The following SMIM36 variants were observed in gnomAD, a reference collection of about 807,000 sequenced individuals.
SMIM36 encodes the protein small integral membrane protein 36.
At chr17:55,491,818 C>T (rs898635475) in intron 1 of SMIM36, among the ~76,000 whole-genome samples, 3 of 152,124 alleles carry the variant, frequency 2.0e-5, no homozygotes, top group Non-Finnish European at 4.4e-5. Context: ...ATGTTGGAGC[C>T]ACTGCATCTG....
chr17:55,465,684 G>T (rs1377961405), intron 4 of SMIM36, among the ~76,000 whole-genome samples: 1 of 152,078 alleles, frequency 6.6e-6, no homozygotes, highest in Non-Finnish European at 1.5e-5. Flanking sequence ...GTGATTTCCA[G>T]ACCACAGTGA....
chr17:55,492,138 A>G (rs1203900900), intron 1 of SMIM36, among the ~76,000 whole-genome samples: 2 of 150,166 alleles, frequency 1.3e-5, no homozygotes, highest in African/African-American at 2.5e-5. Flanking sequence ...CAGCCTGGGC[A>G]ACAGAGTGAG....
intron 1 of SMIM36, among the ~76,000 whole-genome samples, chr17:55,505,665 C>G (rs1910068729): frequency 1.4e-5 from 1 of 71,128 alleles, no homozygotes; most frequent in Non-Finnish European, 2.2e-5. Context: ...AAAACTGGCA[C>G]AAGACAGGGA....
At chr17:55,501,198 T>C (rs1189449426) in intron 1 of SMIM36, among the ~76,000 whole-genome samples, 1 of 72,716 alleles carries the variant, frequency 1.4e-5, no homozygotes, top group Non-Finnish European at 2.6e-5. Flanking sequence ...ATATATCTTA[T>C]ATATTATAAT....
chr17:55,489,784 T>A (rs910737359), intron 1 of SMIM36, among the ~76,000 whole-genome samples: 2 of 152,236 alleles, frequency 1.3e-5, no homozygotes, highest in Non-Finnish European at 2.9e-5. Flanking sequence ...CATAATCCTA[T>A]GGCTCTTATC....
intron 3 of SMIM36, among the ~76,000 whole-genome samples, chr17:55,471,704 C>A (rs1237564637): frequency 1.3e-5 from 2 of 152,214 alleles, no homozygotes; most frequent in African/African-American, 4.8e-5. Context: ...AGTTCCTACA[C>A]TAGGACTCCT....
At chr17:55,501,483 A>G (rs1909977526) in intron 1 of SMIM36, among the ~76,000 whole-genome samples, 1 of 97,924 alleles carries the variant, frequency 1.0e-5, no homozygotes, top group South Asian at 2.7e-4. Context: ...TATAATTATT[A>G]TATATAATAT....
chr17:55,468,841 C>T (rs753782997), intron 3 of SMIM36, among the ~76,000 whole-genome samples: 1 of 152,096 alleles, frequency 6.6e-6, no homozygotes, highest in East Asian at 1.9e-4. Flanking sequence ...TCTGTAATAC[C>T]GCTTGGCCCC....
At chr17:55,532,116 C>T in the SMIM36 span, among the ~76,000 whole-genome samples, 118 of 152,320 alleles carry the variant, frequency 7.7e-4, 1 homozygote, top group Admixed American at 7.6e-3. Context: ...CTAAATATTG[C>T]TCCTCATTTC....
At chr17:55,457,843 T>A (rs1205364562) in intron 4 of SMIM36, among the ~76,000 whole-genome samples, 1 of 152,064 alleles carries the variant, frequency 6.6e-6, no homozygotes, top group Non-Finnish European at 1.5e-5. Context: ...ATTAAAAAAA[T>A]AAAAAAATGT....
At chr17:55,521,532 T>A in the SMIM36 span, among the ~76,000 whole-genome samples, 1 of 152,238 alleles carries the variant, frequency 6.6e-6, no homozygotes, top group African/African-American at 2.4e-5. Context: ...TTTTATAACC[T>A]GTGATTAGGG....
intron 3 of SMIM36, among the ~76,000 whole-genome samples, chr17:55,472,427 G>T (rs1039442575): frequency 1.2e-4 from 19 of 152,198 alleles, no homozygotes; most frequent in Admixed American, 9.8e-4. Context: ...GCTGCCATCT[G>T]GGCTGAAAGA....
chr17:55,465,130 C>T (rs113287117), intron 4 of SMIM36, among the ~76,000 whole-genome samples: 27 of 152,340 alleles, frequency 1.8e-4, no homozygotes, highest in African/African-American at 5.3e-4. Context: ...CATAAACAAT[C>T]TGCTCCATTC....
the SMIM36 span, among the ~76,000 whole-genome samples, chr17:55,524,224 C>G: frequency 6.6e-6 from 1 of 152,092 alleles, no homozygotes; most frequent in East Asian, 1.9e-4. Flanking sequence ...ACCTCCAGCC[C>G]CATCCATGTT....
intron 4 of SMIM36, 44 bp from the exon 5 acceptor site, chr17:55,450,342 C>T (rs1029448572): frequency 1.3e-5 from 2 of 152,224 alleles, no homozygotes; most frequent in African/African-American, 4.8e-5. Context: ...TTAAGACACT[C>T]ATTGTGTGCT....
chr17:55,481,415 A>T (rs1384502071), intron 1 of SMIM36, among the ~76,000 whole-genome samples: 1 of 152,186 alleles, frequency 6.6e-6, no homozygotes, highest in African/African-American at 2.4e-5. Context: ...ATATATACCA[A>T]GTAGAGAGAA....
At chr17:55,510,345 C>T (rs1910158812) in intron 1 of SMIM36, among the ~76,000 whole-genome samples, 1 of 152,138 alleles carries the variant, frequency 6.6e-6, no homozygotes, top group South Asian at 2.1e-4. Flanking sequence ...CAGCTCACAT[C>T]TATAATCCCA....
intron 3 of SMIM36, among the ~76,000 whole-genome samples, chr17:55,477,336 T>G (rs566212646): frequency 6.6e-6 from 1 of 152,358 alleles, no homozygotes; most frequent in South Asian, 2.1e-4. Context: ...TTGCCTTCTC[T>G]GGCTTCCAGT....
chr17:55,531,965 G>A, the SMIM36 span, among the ~76,000 whole-genome samples: 1 of 152,320 alleles, frequency 6.6e-6, no homozygotes, highest in Non-Finnish European at 1.5e-5. Context: ...TCACCCAAGT[G>A]TCAGTTGTGT....
Sources: gnomAD v4.1 joint callset for allele counts (sites outside exome capture counted in the v4.1 genomes callset) on GRCh38, gnomAD v4.1.1 for gene constraint, MANE v1.5 for transcripts, NCBI Gene and HGNC (gene_info 2026-07-23, HGNC 2026-07-21) for gene names.